PARVA: variants seen among roughly 807,000 people sequenced by gnomAD.
PARVA encodes the protein alpha-parvin.
In PARVA, 25 loss-of-function variants were observed where a neutral mutation model predicts 52.6. The ratio of observed to expected loss-of-function variants is 0.48; its 90% CI spans 0.35 to 0.66. The LOEUF (loss-of-function observed/expected upper bound fraction) is 0.66, where lower values mean the gene tolerates loss of function less well. PARVA is among the 30% of genes least tolerant of loss of function. PARVA has a pLI of 0.01. For synonymous variants in PARVA, 185 were observed against 179.1 expected, an observed-to-expected ratio of 1.03 and a Z score of -0.26; for missense variants, 373 against 450.9, an observed-to-expected ratio of 0.83 and a Z score of 1.56.
intron 1 of PARVA, among the ~76,000 whole-genome samples, chr11:12,456,076 C>T (rs1435181993): frequency 6.6e-6 from 1 of 152,140 alleles, no homozygotes; most frequent in African/African-American, 2.4e-5. Context: ...TTAAAGTCTC[C>T]TCCAGTTTTG....
At chr11:12,508,387 G>A (rs1330823943) in intron 6 of PARVA, among the ~76,000 whole-genome samples, 197 bp from the exon 7 acceptor site, 1 of 152,174 alleles carries the variant, frequency 6.6e-6, no homozygotes, top group African/African-American at 2.4e-5. Context: ...AACACTAATT[G>A]CACTTGCGTC....
intron 1 of PARVA, among the ~76,000 whole-genome samples, chr11:12,428,919 G>C (rs1325917291): frequency 6.6e-6 from 1 of 152,214 alleles, no homozygotes; most frequent in East Asian, 1.9e-4. Context: ...AGGGTAAATT[G>C]TGTGGGTTGG....
intron 4 of PARVA, among the ~76,000 whole-genome samples, chr11:12,483,878 C>T (rs1363087954): frequency 6.6e-6 from 1 of 152,246 alleles, no homozygotes; most frequent in African/African-American, 2.4e-5. Flanking sequence ...CTTTCCAAAC[C>T]TCAGAGCAGA....
In PARVA at chr11:12,504,333, G is replaced by C. The variant is rs777160520; in HGVS notation, c.561G>C (p.Leu187=). The change falls in exon 6 of 13, where the codon CTG becomes CTC. Residue 187 remains leucine, a synonymous_variant. Transcript: ENST00000334956. ...WNVDSVHAKS[L]VAILHLLVAL... ...TTTCAGCTGTTCATGCCAAGAGCCTGGTGGCCATCTTACACCTGCTCGTTG... is the reference window on the plus strand; with the variant it reads ...TTTCAGCTGTTCATGCCAAGAGCCTCGTGGCCATCTTACACCTGCTCGTTG... The C allele has an allele frequency of 4.3e-5, 69 of 1,610,594 alleles. No homozygotes were observed. Among genetic ancestry groups the C allele is most frequent in the Non-Finnish European group, 5.8e-5 (68 of 1,177,012 alleles).
intron 1 of PARVA, among the ~76,000 whole-genome samples, chr11:12,439,239 G>A (rs1940428191): frequency 6.6e-6 from 1 of 152,058 alleles, no homozygotes; most frequent in African/African-American, 2.4e-5. Context: ...GAGGGTGAAT[G>A]GGGAAGGGGA....
intron 9 of PARVA, chr11:12,513,687 C>T: frequency 1.7e-6 from 1 of 583,324 alleles, no homozygotes; most frequent in Non-Finnish European, 3.1e-6. Context: ...AAGGAGAGAT[C>T]CAGTGGAATC....
chr11:12,376,770 AGTATGAGTCCTTCAAACACTGTGCTTT>A (rs1939395267), upstream of PARVA: 2 of 968,520 alleles, frequency 2.1e-6, no homozygotes, highest in Admixed American at 6.2e-5. Flanking sequence ...AATCATTTCC[AGTATGAGTCCTTCAAACACTGTGCTTT>A]GTATGACTCC....
chr11:12,462,238 T>C (rs187594803), intron 1 of PARVA, among the ~76,000 whole-genome samples: 1 of 152,306 alleles, frequency 6.6e-6, no homozygotes, highest in Admixed American at 6.5e-5. Context: ...TCTGTAAATA[T>C]GTTACTTTAT....
intron 1 of PARVA, among the ~76,000 whole-genome samples, chr11:12,429,743 T>C (rs1363835700): frequency 6.6e-6 from 1 of 152,112 alleles, no homozygotes; most frequent in Non-Finnish European, 1.5e-5. Flanking sequence ...GTTGCAAATT[T>C]TTTTGTGAAA....
chr11:12,377,473 G>GGAGGGAGCGAGGGAGGGAGC, upstream of PARVA: 1 of 1,408,194 alleles, frequency 7.1e-7, no homozygotes, highest in Non-Finnish European at 9.2e-7. Flanking sequence ...GCGGCGCGAG[G>GGAGGGAGCGAGGGAGGGAGC]GAGGGAGCGA....
intron 1 of PARVA, among the ~76,000 whole-genome samples, chr11:12,416,125 TGATG>T (rs1301005845): frequency 7.2e-5 from 11 of 152,230 alleles, no homozygotes; most frequent in Admixed American, 7.2e-4. Flanking sequence ...TTGGTGAAAC[TGATG>T]GACTAGCACA....
intron 1 of PARVA, among the ~76,000 whole-genome samples, chr11:12,411,521 A>T (rs556811345): frequency 6.6e-6 from 1 of 152,294 alleles, no homozygotes; most frequent in Non-Finnish European, 1.5e-5. Flanking sequence ...ACCATAGTAC[A>T]TTAGGTTGTC....
intron 1 of PARVA, among the ~76,000 whole-genome samples, chr11:12,445,183 T>C (rs1350906447): frequency 6.6e-6 from 1 of 152,174 alleles, no homozygotes; most frequent in East Asian, 1.9e-4. Context: ...CTCCAATTGA[T>C]TAACATAACT....
intron 5 of PARVA, among the ~76,000 whole-genome samples, chr11:12,503,398 A>G (rs1014403050): frequency 2.6e-5 from 4 of 152,152 alleles, no homozygotes; most frequent in African/African-American, 9.7e-5. Flanking sequence ...TGCAGAGCAG[A>G]CATGCTTATG....
At chr11:12,384,631 C>A (rs1247979078) in intron 1 of PARVA, among the ~76,000 whole-genome samples, 1 of 152,036 alleles carries the variant, frequency 6.6e-6, no homozygotes, top group African/African-American at 2.4e-5. Flanking sequence ...AGATTTGAGT[C>A]CCAATCTGAA....
intron 8 of PARVA, 39 bp downstream of exon 8, chr11:12,511,572 C>T: frequency 6.2e-7 from 1 of 1,607,974 alleles, no homozygotes; most frequent in Non-Finnish European, 8.5e-7. Flanking sequence ...CTGGTGGCTG[C>T]ACTGGGGCTT....
intron 1 of PARVA, among the ~76,000 whole-genome samples, chr11:12,387,384 T>G (rs907518771): frequency 6.6e-6 from 1 of 152,184 alleles, no homozygotes; most frequent in Non-Finnish European, 1.5e-5. Context: ...GTGCCTAGCA[T>G]ACTACCTAGT....
At chr11:12,384,275 A>G (rs904769761) in intron 1 of PARVA, among the ~76,000 whole-genome samples, 5 of 152,200 alleles carry the variant, frequency 3.3e-5, no homozygotes, top group South Asian at 4.1e-4. Flanking sequence ...AGATGCCTTG[A>G]AAGAGTTATC....
At chr11:12,392,313 G>T (rs1939670866) in intron 1 of PARVA, among the ~76,000 whole-genome samples, 2 of 148,790 alleles carry the variant, frequency 1.3e-5, no homozygotes, top group Non-Finnish European at 3.0e-5. Context: ...CTGTCACTCA[G>T]GCTGGAGTGC....
Sources: allele counts gnomAD v4.1 joint callset (sites outside exome capture counted in the v4.1 genomes callset), GRCh38; gene constraint gnomAD v4.1.1; transcripts MANE v1.5; gene names NCBI Gene and HGNC (gene_info 2026-07-23, HGNC 2026-07-21).